Variants in DOCK2 observed in about 807,000 individuals in gnomAD.
DOCK2 encodes dedicator of cytokinesis 2.
A neutral mutation model predicts 248.9 loss-of-function variants in DOCK2; 87 were observed. The observed-to-expected ratio is 0.35, with a 90% CI of 0.29 to 0.42. The LOEUF (loss-of-function observed/expected upper bound fraction) is 0.42. DOCK2 is among the 10% of genes least tolerant of loss of function. The pLI is 1.00. For synonymous variants in DOCK2, 805 were observed against 821.6 expected (o/e 0.98, Z 0.35); for missense variants, 1,747 against 2,300.2 (o/e 0.76, Z 4.92).
intron 25 of DOCK2, among the ~76,000 whole-genome samples, chr5:169,786,441 G>A (rs1765985124): frequency 6.6e-6 from 1 of 152,116 alleles, no homozygotes; most frequent in Non-Finnish European, 1.5e-5. Flanking sequence ...CGTGGATCTT[G>A]GTTTTAATAT....
chr5:169,883,374 G>A, intron 27 of DOCK2: 1 of 1,551,638 alleles, frequency 6.4e-7, no homozygotes, highest in Non-Finnish European at 8.7e-7. Flanking sequence ...TTTGCACCTT[G>A]GGGACCCTTG....
chr5:169,948,716 G>A (rs952234308), intron 27 of DOCK2, among the ~76,000 whole-genome samples: 24 of 151,036 alleles, frequency 1.6e-4, no homozygotes, highest in African/African-American at 5.4e-4. Flanking sequence ...TGGACTAAGC[G>A]ATTCTCCCAC....
chr5:169,763,926 A>C lies in DOCK2; in HGVS notation c.2554+2301A>C, dbSNP rs1227053497. On this transcript the variant is annotated intron_variant, in intron 25 of 51. Transcript: ENST00000520908. The surrounding 1 kb of genome is among the most constrained non-coding windows in gnomAD (Gnocchi z 4.1). ...ACTCCTCTCCCACCATCTATTTGCT[A>C]AGTGAGCCCTGTTACCAAAATAGTC... Among the ~76,000 whole-genome samples the C allele has an allele frequency of 6.6e-6, 1 of 152,216 alleles. No individual in the cohort carries two copies. Among genetic ancestry groups the C allele is most frequent in the African/African-American group, 2.4e-5 (1 of 41,450 alleles).
intron 29 of DOCK2, among the ~76,000 whole-genome samples, chr5:169,991,689 G>A (rs987676347): frequency 2.0e-5 from 3 of 152,216 alleles, no homozygotes; most frequent in South Asian, 2.1e-4. Context: ...GAAGGGCTGC[G>A]TGCATGGCAG....
At chr5:170,034,294 G>T (rs1388914926) in intron 34 of DOCK2, 105 bp from the exon 35 acceptor site, 24 of 1,408,648 alleles carry the variant, frequency 1.7e-5, no homozygotes, top group Non-Finnish European at 2.2e-5. Flanking sequence ...CAGGGAACTT[G>T]GGTTGACTGA....
intron 47 of DOCK2, 40 bp downstream of exon 47, chr5:170,076,124 C>T: frequency 4.4e-6 from 7 of 1,594,530 alleles, no homozygotes; most frequent in Non-Finnish European, 6.0e-6. Flanking sequence ...TGGGATTGTG[C>T]AGGGTGGGGC....
Position 169,718,801 on chromosome 5 carries a change from T to C in DOCK2, c.2267+10T>C. 1 of 1,612,492 alleles carries C rather than the reference T, an allele frequency of 6.2e-7. No homozygotes were observed. Among genetic ancestry groups the C allele is most frequent in the South Asian group, 1.1e-5 (1 of 90,994 alleles). On this transcript the variant is annotated intron_variant, in intron 22 of 51. Coordinates refer to ENST00000520908, the MANE Select transcript of DOCK2 (RefSeq NM_004946.3). ...GGACATTATTTTCACAGTGAGTACT[T>C]GTTATGTAAGAGTGATTGATTAGCT...
At chr5:169,863,218 C>T (rs1442526020) in intron 27 of DOCK2, among the ~76,000 whole-genome samples, 1 of 152,158 alleles carries the variant, frequency 6.6e-6, no homozygotes. Flanking sequence ...TATCCTCATC[C>T]ATAGTCCTGC....
chr5:169,760,288 T>A (rs61629770), intron 24 of DOCK2, among the ~76,000 whole-genome samples: 51,922 of 151,998 alleles, frequency 0.34, 10,532 homozygotes, highest in East Asian at 0.6. Flanking sequence ...TTAAAAAATG[T>A]ATTGTAGTTT....
intron 2 of DOCK2, among the ~76,000 whole-genome samples, chr5:169,655,791 A>G (rs773031702): frequency 3.9e-5 from 6 of 152,354 alleles, no homozygotes; most frequent in South Asian, 2.1e-4. Context: ...ACAGAAAACC[A>G]TTTTGTGGGC....
chr5:169,761,518 G>A lies in DOCK2; in HGVS notation c.2448-1G>A. ...CCAGCTCCTATTTTTCCTGCCCTCA[G>A]CCAACTCCTGTATGAGTTCTACACC... On this transcript the variant is annotated splice_acceptor_variant, in intron 24 of 51. Coordinates refer to ENST00000520908, the MANE Select transcript of DOCK2 (RefSeq NM_004946.3). LOFTEE classifies it high-confidence loss of function. 6.2e-7 allele frequency: 1 copy of A among 1,613,404 alleles called. No homozygotes were observed.
At chr5:169,782,975 C>A (rs181893782) in intron 25 of DOCK2, among the ~76,000 whole-genome samples, 1 of 152,254 alleles carries the variant, frequency 6.6e-6, no homozygotes, top group Admixed American at 6.5e-5. Flanking sequence ...ATTTTGTAGC[C>A]ATTTAGAAAA....
chr5:170,030,461 G>T (rs1043804548), intron 34 of DOCK2, among the ~76,000 whole-genome samples: 2 of 152,146 alleles, frequency 1.3e-5, no homozygotes, highest in Non-Finnish European at 2.9e-5. Context: ...TTTTTGTTGG[G>T]AGTCTAGCAA....
chr5:169,908,838 CTGAG>C (rs1469547346), intron 27 of DOCK2, among the ~76,000 whole-genome samples: 1 of 151,592 alleles, frequency 6.6e-6, no homozygotes, highest in Non-Finnish European at 1.5e-5. Flanking sequence ...CCTCAGCCTC[CTGAG>C]TAACTGGGAC....
chr5:169,781,871 T>C (rs1201781878), intron 25 of DOCK2, among the ~76,000 whole-genome samples: 2 of 152,160 alleles, frequency 1.3e-5, no homozygotes, highest in African/African-American at 4.8e-5. Flanking sequence ...TGTGTGGGTC[T>C]CAAAAATTTG....
At chr5:169,837,346 G>A (rs187357053) in intron 26 of DOCK2, among the ~76,000 whole-genome samples, 3 of 152,254 alleles carry the variant, frequency 2.0e-5, no homozygotes, top group Non-Finnish European at 2.9e-5. Flanking sequence ...ATTAACAGTG[G>A]GTGATTTGTG....
intron 23 of DOCK2, among the ~76,000 whole-genome samples, chr5:169,756,345 A>T (rs1764192393): frequency 6.6e-6 from 1 of 152,228 alleles, no homozygotes; most frequent in African/African-American, 2.4e-5. Flanking sequence ...CTCGCAGCAG[A>T]CACTGAAGTC....
At position 170,070,491 on chromosome 5, in the gene DOCK2, T is replaced by C. The variant is rs76304280; in HGVS notation, c.4728+1271T>C. Among the ~76,000 whole-genome samples the C allele has an allele frequency of 2.1e-3, 325 of 152,364 alleles. 4 individuals carry two copies. The South Asian group carries it at 0.022, about 10-fold the overall frequency. Reference sequence around the variant, plus strand: ...TTGTGTGTCTGTCTGGAATTTTCTCTTTCTTTTTACCTTGTGCCACCTGTG... The same window carrying C: ...TTGTGTGTCTGTCTGGAATTTTCTCCTTCTTTTTACCTTGTGCCACCTGTG... On this transcript the variant is annotated intron_variant, in intron 46 of 51. Coordinates refer to ENST00000520908, the MANE Select transcript of DOCK2 (RefSeq NM_004946.3).
At chr5:169,842,341 T>G (rs1770031560) in intron 27 of DOCK2, among the ~76,000 whole-genome samples, 1 of 152,026 alleles carries the variant, frequency 6.6e-6, no homozygotes, top group Non-Finnish European at 1.5e-5. Context: ...ACCTTTGAAG[T>G]ATCACATTTT....
Sources: allele counts gnomAD v4.1 joint callset (sites outside exome capture counted in the v4.1 genomes callset), GRCh38; gene constraint gnomAD v4.1.1; non-coding constraint Gnocchi (gnomAD v3.1); transcripts MANE v1.5; gene names NCBI Gene and HGNC (gene_info 2026-07-23, HGNC 2026-07-21).